TANC2: variants seen among roughly 807,000 people sequenced by gnomAD.
The protein encoded by TANC2 is protein TANC2.
Under a neutral mutation model 210.5 loss-of-function variants are expected in TANC2, and 26 were observed. The observed-to-expected ratio is 0.12, with a 90% confidence interval of 0.09 to 0.17. The LOEUF (loss-of-function observed/expected upper bound fraction) is 0.17, where lower values mean the gene tolerates loss of function less well. TANC2 is among the 10% of genes least tolerant of loss of function. The pLI is 1.00. For synonymous variants in TANC2, 931 were observed against 967.1 expected, an observed-to-expected ratio of 0.96 and a Z score of 0.69; for missense variants, 2,129 against 2,608.9, an observed-to-expected ratio of 0.82 and a Z score of 4.01.
At chr17:62,979,846 A>C (rs1177598385) in intron 1 of TANC2, among the ~76,000 whole-genome samples, 1 of 152,200 alleles carries the variant, frequency 6.6e-6, no homozygotes, top group Non-Finnish European at 1.5e-5. Context: ...GGGAGGGTCT[A>C]GGCTGCAGTG....
chr17:62,982,105 A>G (rs1055894723), intron 1 of TANC2, among the ~76,000 whole-genome samples: 13 of 152,132 alleles, frequency 8.5e-5, no homozygotes, highest in Non-Finnish European at 1.6e-4. Flanking sequence ...TCAGTCTCCT[A>G]TGGGTCAAAA....
intron 4 of TANC2, chr17:63,150,627 C>CTT (rs2039617172): frequency 6.6e-6 from 1 of 152,148 alleles, no homozygotes; most frequent in Non-Finnish European, 1.5e-5. Context: ...CTAGTTAATG[C>CTT]TTTAGTCCAC....
chr17:62,978,373 A>G (rs550993862), intron 1 of TANC2: 235 of 152,324 alleles, frequency 1.5e-3, no homozygotes, highest in African/African-American at 5.4e-3. Context: ...TTTATACAAA[A>G]TAGCATAGGG....
chr17:63,304,535 C>G (rs1472912291), intron 9 of TANC2, among the ~76,000 whole-genome samples: 1 of 152,250 alleles, frequency 6.6e-6, no homozygotes, highest in South Asian at 2.1e-4. Flanking sequence ...TCTGACAACC[C>G]CTGTTGGAGA....
At chr17:63,388,095 T>C (rs996792956) in intron 15 of TANC2, 3 of 152,462 alleles carry the variant, frequency 2.0e-5, no homozygotes, top group African/African-American at 7.2e-5. Context: ...TGGCCTGTAA[T>C]CAAAAGGAAC....
chr17:63,175,630 C>T (rs2040553896), intron 5 of TANC2, among the ~76,000 whole-genome samples: 1 of 150,008 alleles, frequency 6.7e-6, no homozygotes, highest in Non-Finnish European at 1.5e-5. Context: ...TTGGATAGGA[C>T]ATGAGAAATG....
intron 5 of TANC2, among the ~76,000 whole-genome samples, chr17:63,185,412 T>A (rs1237051304): frequency 6.6e-6 from 1 of 152,168 alleles, no homozygotes; most frequent in Non-Finnish European, 1.5e-5. Context: ...ATTTTCAACT[T>A]GGGCTATGAT....
chr17:63,244,114 T>C (rs988696313), intron 8 of TANC2, among the ~76,000 whole-genome samples: 5 of 152,174 alleles, frequency 3.3e-5, no homozygotes, highest in African/African-American at 9.7e-5. Flanking sequence ...CTGGTGGAGC[T>C]TTCCTAGGTG....
At chr17:62,989,940 T>G (rs1020863156) in intron 1 of TANC2, among the ~76,000 whole-genome samples, 1 of 151,742 alleles carries the variant, frequency 6.6e-6, no homozygotes, top group African/African-American at 2.4e-5. Flanking sequence ...CTGGCTAATT[T>G]TTTTTGTATT....
intron 1 of TANC2, among the ~76,000 whole-genome samples, chr17:62,967,953 C>A (rs1007944040): frequency 2.6e-5 from 4 of 152,112 alleles, no homozygotes; most frequent in African/African-American, 9.7e-5. Flanking sequence ...CGAAATAAAA[C>A]GTTAAACATT....
At chr17:63,239,124 C>T (rs1216183915) in intron 8 of TANC2, among the ~76,000 whole-genome samples, 7 of 148,176 alleles carry the variant, frequency 4.7e-5, no homozygotes, top group South Asian at 2.1e-4. Context: ...GACCAGCCTG[C>T]GCAACATAGT....
intron 3 of TANC2, among the ~76,000 whole-genome samples, chr17:63,098,548 T>C (rs2037501680): frequency 6.9e-6 from 1 of 144,676 alleles, no homozygotes; most frequent in Non-Finnish European, 1.5e-5. Context: ...AAAATTTATA[T>C]ATATATAATT....
At chr17:63,259,002 T>C (rs2043280390) in intron 8 of TANC2, among the ~76,000 whole-genome samples, 1 of 152,224 alleles carries the variant, frequency 6.6e-6, no homozygotes, top group African/African-American at 2.4e-5. Context: ...GTACTGCTGA[T>C]GTTGATTCAA....
intron 9 of TANC2, among the ~76,000 whole-genome samples, chr17:63,274,403 T>C (rs531928468): frequency 6.6e-6 from 1 of 152,312 alleles, no homozygotes; most frequent in Admixed American, 6.5e-5. Context: ...GATTGTGTAC[T>C]AGTACAGAGT....
chr17:63,237,267 C>T (rs914372515), intron 7 of TANC2, among the ~76,000 whole-genome samples: 5 of 151,712 alleles, frequency 3.3e-5, no homozygotes, highest in Non-Finnish European at 7.4e-5. Flanking sequence ...TTGTATGTCT[C>T]CTTTTGGAAA....
At chr17:63,233,874 C>G (rs1309762709) in intron 7 of TANC2, among the ~76,000 whole-genome samples, 1 of 152,240 alleles carries the variant, frequency 6.6e-6, no homozygotes, top group African/African-American at 2.4e-5. Context: ...ACTTGGTCGA[C>G]AAGAGTATTC....
At chr17:62,997,100 C>G (rs2033154040) in intron 1 of TANC2, among the ~76,000 whole-genome samples, 1 of 148,362 alleles carries the variant, frequency 6.7e-6, no homozygotes, top group African/African-American at 2.5e-5. Context: ...CAGGTGTGAA[C>G]CACCACACCC....
At chr17:63,311,323 A>G (rs911700256) in intron 9 of TANC2, among the ~76,000 whole-genome samples, 2 of 152,216 alleles carry the variant, frequency 1.3e-5, no homozygotes, top group African/African-American at 4.8e-5. Flanking sequence ...TTTATGTTTT[A>G]TCATGTAGAG....
intron 2 of TANC2, among the ~76,000 whole-genome samples, chr17:63,019,272 C>T (rs746166150): frequency 2.6e-5 from 4 of 152,146 alleles, no homozygotes; most frequent in Non-Finnish European, 5.9e-5. Flanking sequence ...GGCTGGCATG[C>T]AGTGGCGTGA....
Sources: gnomAD v4.1 joint callset for allele counts (sites outside exome capture counted in the v4.1 genomes callset) on GRCh38, gnomAD v4.1.1 for gene constraint, MANE v1.5 for transcripts, NCBI Gene and HGNC (gene_info 2026-07-23, HGNC 2026-07-21) for gene names.